ANO3: variants seen among roughly 807,000 people sequenced by gnomAD.
ANO3 encodes anoctamin-3.
ANO3 carries 99 observed loss-of-function variants against 144.8 expected under a neutral mutation model. That is an observed-to-expected ratio of 0.68 (90% CI 0.58 to 0.81). The LOEUF (loss-of-function observed/expected upper bound fraction) is 0.81. Ranked by LOEUF, ANO3 falls within the 30% of genes least tolerant of loss-of-function variation. The probability of loss-of-function intolerance (pLI) is 0.00; values close to 1 mark genes in which losing one functional copy is unlikely to be tolerated. For synonymous variants in ANO3, 414 were observed against 392.6 expected, an observed-to-expected ratio of 1.05 and a Z score of -0.64; for missense variants, 905 against 1,202.2, an observed-to-expected ratio of 0.75 and a Z score of 3.66.
At chr11:26,449,839 C>T (rs946042848) in intron 3 of ANO3, among the ~76,000 whole-genome samples, 8 of 151,964 alleles carry the variant, frequency 5.3e-5, no homozygotes, top group African/African-American at 1.9e-4. Context: ...TCACTGCAAC[C>T]TCTGCCTCGG....
chr11:26,485,364 T>C (rs1860402935), intron 4 of ANO3, among the ~76,000 whole-genome samples: 2 of 151,954 alleles, frequency 1.3e-5, no homozygotes, highest in Admixed American at 6.6e-5. Flanking sequence ...GAAGGTCTGG[T>C]TTTAAAAAAA....
chr11:26,314,018 A>G (rs1854565989), intron 1 of ANO3, among the ~76,000 whole-genome samples: 1 of 152,098 alleles, frequency 6.6e-6, no homozygotes. Context: ...ATAAAAGGCA[A>G]TACATGTTTG....
At chr11:26,250,558 C>T (rs931810821) in intron 1 of ANO3, among the ~76,000 whole-genome samples, 2 of 152,202 alleles carry the variant, frequency 1.3e-5, no homozygotes, top group African/African-American at 2.4e-5. Flanking sequence ...GGATTCATCA[C>T]TGCCCTGCTT....
chr11:26,636,204 C>T (rs1852953765), intron 20 of ANO3, among the ~76,000 whole-genome samples: 2 of 151,890 alleles, frequency 1.3e-5, no homozygotes, highest in Admixed American at 6.6e-5. Flanking sequence ...TGTCCCTAAA[C>T]AACAGAAAAA....
intron 1 of ANO3, among the ~76,000 whole-genome samples, chr11:26,228,967 T>G (rs371445037): frequency 4.7e-4 from 72 of 152,286 alleles, no homozygotes; most frequent in Admixed American, 1.6e-3. Flanking sequence ...AAGAAAAAAA[T>G]AATAATTAAC....
intron 1 of ANO3, among the ~76,000 whole-genome samples, chr11:26,252,989 A>G (rs1054534884): frequency 1.3e-5 from 2 of 152,182 alleles, no homozygotes; most frequent in Non-Finnish European, 2.9e-5. Flanking sequence ...AAGCCAAATC[A>G]CACAGGAAAA....
chr11:26,625,792 CT>C (rs1852566208), intron 18 of ANO3, among the ~76,000 whole-genome samples: 2 of 152,204 alleles, frequency 1.3e-5, no homozygotes, highest in Admixed American at 6.5e-5. Flanking sequence ...TGCATCTAGA[CT>C]TACTTTCATA....
intron 1 of ANO3, among the ~76,000 whole-genome samples, chr11:26,268,047 T>C (rs1379076159): frequency 1.3e-5 from 2 of 152,136 alleles, no homozygotes; most frequent in Non-Finnish European, 2.9e-5. Flanking sequence ...CTACATTCCA[T>C]GTTACATATA....
intron 1 of ANO3, among the ~76,000 whole-genome samples, chr11:26,217,325 T>TC (rs35888563): frequency 1.3e-5 from 2 of 151,900 alleles, no homozygotes; most frequent in African/African-American, 2.4e-5. Flanking sequence ...TTTAAAATCA[T>TC]CCCCCCCATC....
At chr11:26,524,631 A>G (rs1289747308) in intron 6 of ANO3, among the ~76,000 whole-genome samples, 1 of 152,196 alleles carries the variant, frequency 6.6e-6, no homozygotes, top group African/African-American at 2.4e-5. Flanking sequence ...ATGAGCATGT[A>G]GAGAAAATTA....
chr11:26,380,321 G>T (rs138795714), intron 1 of ANO3, among the ~76,000 whole-genome samples: 70 of 152,212 alleles, frequency 4.6e-4, no homozygotes, highest in African/African-American at 1.6e-3. Flanking sequence ...TCATTTCTTT[G>T]CCAGTTTTAA....
intron 4 of ANO3, among the ~76,000 whole-genome samples, chr11:26,475,685 TAAGA>T (rs1482416001): frequency 6.6e-6 from 1 of 152,056 alleles, no homozygotes; most frequent in Non-Finnish European, 1.5e-5. Context: ...TTAATATTCA[TAAGA>T]AATATGTATG....
intron 1 of ANO3, among the ~76,000 whole-genome samples, chr11:26,296,519 T>C (rs1009988522): frequency 6.6e-6 from 1 of 152,210 alleles, no homozygotes; most frequent in African/African-American, 2.4e-5. Context: ...CTCACACAGA[T>C]TGATTTCCTC....
intron 4 of ANO3, among the ~76,000 whole-genome samples, chr11:26,474,476 C>A (rs1027030671): frequency 5.9e-5 from 9 of 151,400 alleles, no homozygotes; most frequent in African/African-American, 1.9e-4. Context: ...TTCAATTTTT[C>A]TTAATAATTT....
rs747260200 is a variant in ANO3, at chr11:26,415,049, G to GGTGTGTGTGT, written c.47-26863_47-26862insGTGTGTGTGT. Among the ~76,000 whole-genome samples the GGTGTGTGTGT allele has an allele frequency of 6.4e-5, 6 of 93,414 alleles. No individual in the cohort carries two copies. In the South Asian group the frequency reaches 1.8e-3, roughly 29 times the overall value. 61.3% of individuals were successfully genotyped at this position (93,414 alleles called of 152,430 possible). A position where few individuals can be genotyped will look rare whatever the true frequency, so the allele number is the denominator to read the frequency against. On this transcript the variant is annotated intron_variant, in intron 1 of 26. Coordinates refer to ENST00000256737, the MANE Select transcript of ANO3 (RefSeq NM_031418.4). The stretch of plus-strand genomic sequence containing the variant: ...GGAGCCAGATTGTATAAAAGTTATT[G>GGTGTGTGTGT]GTGTGTATGTGTGTGTGTGTGTGTG...
At chr11:26,541,851 G>T in intron 10 of ANO3, 96 bp from the exon 11 acceptor site, 1 of 1,178,366 alleles carries the variant, frequency 8.5e-7, no homozygotes, top group Non-Finnish European at 1.1e-6. Context: ...CTTTCAATAA[G>T]TTGTTAAATT....
chr11:26,636,695 C>G (rs546458964), intron 20 of ANO3, among the ~76,000 whole-genome samples: 2 of 152,348 alleles, frequency 1.3e-5, no homozygotes, highest in East Asian at 3.9e-4. Flanking sequence ...AGTCTGTGCT[C>G]TGAACACTGT....
At chr11:26,490,143 G>T (rs1590410147) in intron 4 of ANO3, among the ~76,000 whole-genome samples, 2 of 152,068 alleles carry the variant, frequency 1.3e-5, no homozygotes, top group African/African-American at 2.4e-5. Flanking sequence ...TGAATCATGG[G>T]GGCTGGTTTT....
chr11:26,347,846 A>G (rs1330697853), intron 1 of ANO3, among the ~76,000 whole-genome samples: 1 of 152,208 alleles, frequency 6.6e-6, no homozygotes, highest in African/African-American at 2.4e-5. Context: ...AACTCTAGGT[A>G]TTATTTGCTT....
Sources: allele counts gnomAD v4.1 joint callset (sites outside exome capture counted in the v4.1 genomes callset), GRCh38; gene constraint gnomAD v4.1.1; transcripts MANE v1.5; gene names NCBI Gene and HGNC (gene_info 2026-07-23, HGNC 2026-07-21).